CES1: variants seen among roughly 807,000 people sequenced by gnomAD.
CES1 encodes the protein carboxylesterase 1.
A neutral mutation model predicts 53.0 loss-of-function variants in CES1; 50 were observed. The observed-to-expected ratio is 0.94, with a 90% confidence interval of 0.75 to 1.19. The LOEUF (loss-of-function observed/expected upper bound fraction) is 1.19, where lower values mean the gene tolerates loss of function less well. Ranked by LOEUF, CES1 falls within the 50% of genes most tolerant of loss-of-function variation. The pLI, the probability that CES1 is intolerant of heterozygous loss-of-function variation, is 0.00. For missense variants in CES1, 534 were observed against 538.0 expected (o/e 0.99, Z 0.07); for synonymous variants, 202 against 210.1 (o/e 0.96, Z 0.33).
In CES1 at chr16:55,810,573, A is replaced by C; in HGVS notation, c.1262T>G (p.Leu421Trp). 1 of 1,614,188 alleles carries C rather than the reference A, an allele frequency of 6.2e-7. No homozygotes were observed. Among genetic ancestry groups the C allele is most frequent in the South Asian group, 1.1e-5 (1 of 91,086 alleles). ...TVKKKDLFLD[L>W]IADVMFGVPS... Reference sequence around the variant, plus strand: ...GACACCAAACATCACATCTGCTATCAAGTCCAGGAACAGGTCTTTCTTTTT... The same window carrying C: ...GACACCAAACATCACATCTGCTATCCAGTCCAGGAACAGGTCTTTCTTTTT... The change falls in exon 11 of 14, where the codon TTG becomes TGG. Residue 421 changes from leucine to tryptophan, a missense_variant. Around this residue, in one of 5 missense-constraint regions of CES1, gnomAD observed 269 missense variants for 206.6 expected, o/e 1.30. Coordinates refer to ENST00000360526, the MANE Select transcript of CES1 (RefSeq NM_001025195.2).
At chr16:55,820,916 T>A (rs1366806329) in intron 5 of CES1, among the ~76,000 whole-genome samples, 52 of 152,188 alleles carry the variant, frequency 3.4e-4, no homozygotes, top group African/African-American at 1.0e-3. Context: ...CTGCTCAGTG[T>A]CCATGTCCCC....
intron 4 of CES1, 53 bp from the exon 5 acceptor site, chr16:55,821,574 C>A: frequency 6.2e-7 from 1 of 1,603,134 alleles, no homozygotes; most frequent in Non-Finnish European, 8.5e-7. Flanking sequence ...CATGCAGGAC[C>A]TTCAGGACCA....
intron 1 of CES1, among the ~76,000 whole-genome samples, chr16:55,830,252 T>C (rs2032583907): frequency 6.6e-6 from 1 of 152,210 alleles, no homozygotes; most frequent in Non-Finnish European, 1.5e-5. Context: ...GCAATGTCAA[T>C]ATTTAGCTTC....
intron 8 of CES1, among the ~76,000 whole-genome samples, 190 bp downstream of exon 8, chr16:55,816,734 G>A (rs1178211482): frequency 1.5e-4 from 23 of 152,158 alleles, no homozygotes; most frequent in Admixed American, 1.5e-3. Flanking sequence ...TCAGGAAAAT[G>A]GGTTCCAGGC....
chr16:55,832,867 A>C, intron 1 of CES1, 137 bp downstream of exon 1: 1 of 869,204 alleles, frequency 1.2e-6, no homozygotes. Flanking sequence ...CTCCAAGTCC[A>C]AGTCCTAATA....
intron 4 of CES1, among the ~76,000 whole-genome samples, chr16:55,822,625 G>T (rs1273027776): frequency 6.6e-6 from 1 of 152,112 alleles, no homozygotes; most frequent in Non-Finnish European, 1.5e-5. Flanking sequence ...ATGCCTGTGG[G>T]CTTCAAAGGT....
intron 7 of CES1, among the ~76,000 whole-genome samples, chr16:55,818,055 G>A (rs2032023108): frequency 6.6e-6 from 1 of 152,174 alleles, no homozygotes; most frequent in East Asian, 1.9e-4. Flanking sequence ...TACCACATTG[G>A]ACTCAACTCA....
chr16:55,812,581 C>T (rs2031745642), intron 9 of CES1, among the ~76,000 whole-genome samples: 1 of 152,168 alleles, frequency 6.6e-6, no homozygotes, highest in Admixed American at 6.5e-5. Flanking sequence ...CGGACTCCTC[C>T]ACTCCTTCCC....
At chr16:55,811,488 T>C (rs1482566517) in intron 9 of CES1, among the ~76,000 whole-genome samples, 1 of 152,176 alleles carries the variant, frequency 6.6e-6, no homozygotes, top group Non-Finnish European at 1.5e-5. Context: ...GAAATCCTTC[T>C]GAGGGGCGAA....
At chr16:55,817,401 C>T (rs1183804934) in intron 7 of CES1, among the ~76,000 whole-genome samples, 7 of 152,176 alleles carry the variant, frequency 4.6e-5, no homozygotes, top group South Asian at 2.1e-4. Context: ...TCAGTTTACA[C>T]GACGATGCTA....
At chr16:55,824,515 T>A (rs2142344835) in intron 3 of CES1, among the ~76,000 whole-genome samples, 1 of 152,196 alleles carries the variant, frequency 6.6e-6, no homozygotes, top group East Asian at 1.9e-4. Context: ...GGGTAGGTAC[T>A]AATAATGTCC....
intron 1 of CES1, among the ~76,000 whole-genome samples, chr16:55,830,823 C>CAGGAAGGCAGGA (rs1362835017): frequency 1.2e-5 from 1 of 84,798 alleles, no homozygotes; most frequent in Non-Finnish European, 2.4e-5. Flanking sequence ...GGAAGGAAGG[C>CAGGAAGGCAGGA]AGGCAGGCAG....
chr16:55,810,403 C>T (rs528614146), intron 11 of CES1, 114 bp downstream of exon 11: 1 of 1,379,912 alleles, frequency 7.2e-7, no homozygotes, highest in African/African-American at 1.4e-5. Flanking sequence ...ATGGAATCAG[C>T]CTTTGAGGCC....
At chr16:55,811,629 C>T (rs1277335697) in intron 9 of CES1, among the ~76,000 whole-genome samples, 1 of 152,162 alleles carries the variant, frequency 6.6e-6, no homozygotes, top group Non-Finnish European at 1.5e-5. Context: ...AACATAACTG[C>T]CTGGGAAGGC....
chr16:55,826,712 A>G (rs190498500), intron 2 of CES1, among the ~76,000 whole-genome samples: 2 of 152,090 alleles, frequency 1.3e-5, no homozygotes. Context: ...TTCCTTTTAC[A>G]CTCTGCGTCC....
intron 4 of CES1, among the ~76,000 whole-genome samples, chr16:55,823,062 A>G (rs1180361812): frequency 6.6e-6 from 1 of 152,034 alleles, no homozygotes; most frequent in Non-Finnish European, 1.5e-5. Context: ...CTCCCACAGG[A>G]AGGGGTCAGA....
At chr16:55,826,334 G>A (rs1424346571) in intron 2 of CES1, 39 bp from the exon 3 acceptor site, 1 of 1,613,298 alleles carries the variant, frequency 6.2e-7, no homozygotes, top group Non-Finnish European at 8.5e-7. Context: ...AGTTCAGCCA[G>A]ATCTAAGCGA....
intron 8 of CES1, among the ~76,000 whole-genome samples, chr16:55,814,840 C>T (rs568382049): frequency 6.6e-6 from 1 of 152,368 alleles, no homozygotes; most frequent in African/African-American, 2.4e-5. Context: ...TGGACCAGAC[C>T]TAGCTGGACA....
At chr16:55,832,346 G>A (rs2032715354) in intron 1 of CES1, among the ~76,000 whole-genome samples, 1 of 152,334 alleles carries the variant, frequency 6.6e-6, no homozygotes, top group Admixed American at 6.5e-5. Flanking sequence ...ATGGCAAGAG[G>A]TCCTGATATA....
Sources: allele counts gnomAD v4.1 joint callset (sites outside exome capture counted in the v4.1 genomes callset), GRCh38; gene constraint gnomAD v4.1.1; regional missense constraint gnomAD v4.1.1; transcripts MANE v1.5; gene names NCBI Gene and HGNC (gene_info 2026-07-23, HGNC 2026-07-21).